CLEC4F: variants seen among roughly 807,000 people sequenced by gnomAD.
CLEC4F encodes the protein C-type (calcium dependent, carbohydrate-recognition domain) lectin, superfamily member 13.
Under a neutral mutation model 53.4 loss-of-function variants are expected in CLEC4F, and 45 were observed. The observed-to-expected ratio is 0.84, with a 90% CI of 0.66 to 1.08. The LOEUF (loss-of-function observed/expected upper bound fraction) is 1.08. Ranked by LOEUF, CLEC4F falls within the 50% of genes least tolerant of loss-of-function variation. The pLI, the probability that CLEC4F is intolerant of heterozygous loss-of-function variation, is 0.00. For synonymous variants in CLEC4F, 245 were observed against 257.5 expected (o/e 0.95, Z 0.46); for missense variants, 753 against 698.2 (o/e 1.08, Z -0.88).
chr2:70,819,969 C>A, intron 1 of CLEC4F, 78 bp from the exon 2 acceptor site: 1 of 923,224 alleles, frequency 1.1e-6, no homozygotes. Flanking sequence ...TGAGACACAG[C>A]CTCTCTGATT....
chr2:70,820,724 C>A (rs561213543), upstream of CLEC4F: 141 of 530,966 alleles, frequency 2.7e-4, 1 homozygote, highest in Admixed American at 1.5e-3. Context: ...TCCCAGATAC[C>A]CATCTGCCCT....
chr2:70,816,449 T>C lies in CLEC4F; in HGVS notation c.932A>G (p.Asp311Gly). 1 of 1,614,200 alleles carries C rather than the reference T, an allele frequency of 6.2e-7. No homozygotes were observed. The highest frequency in any genetic ancestry group is 8.5e-7 in the Non-Finnish European group (1 of 1,180,026). ...QTQAFIKSSF[D>G]NTSAEIQFLR... Reference sequence around the variant, plus strand: ...GAACTGGATCTCAGCACTAGTGTTGTCAAAACTGCTTTTTATAAAGGCCTG... The same window carrying C: ...GAACTGGATCTCAGCACTAGTGTTGCCAAAACTGCTTTTTATAAAGGCCTG... The change falls in exon 4 of 7, where the codon GAC (aspartate) becomes GGC (glycine). Residue 311 changes from aspartate to glycine, a missense_variant. By Grantham distance (94) the Asp-to-Gly change is moderately conservative. Coordinates refer to ENST00000272367, the MANE Select transcript of CLEC4F (RefSeq NM_173535.3).
chr2:70,823,172 G>A (rs1677270294), upstream of CLEC4F, among the ~76,000 whole-genome samples: 3 of 152,164 alleles, frequency 2.0e-5, no homozygotes, highest in South Asian at 6.2e-4. Flanking sequence ...GGCCCAATGT[G>A]TAGAGTGCAG....
Position 70,812,481 on chromosome 2 carries a change from G to T in CLEC4F, c.1505C>A (p.Ala502Asp). 6.2e-7 allele frequency: 1 copy of T among 1,614,118 alleles called. No individual in the cohort carries two copies. Among genetic ancestry groups the T allele is most frequent in the Non-Finnish European group, 8.5e-7 (1 of 1,180,026 alleles). ...CTTGGAGGCCACAGATGCCAGATGG[G>T]CTCCCTGGGACACGCAGAACTGCTC... ...EAEQFCVSQG[A>D]HLASVASKEE... The change falls in exon 5 of 7, where the codon GCC becomes GAC. Residue 502 changes from alanine to aspartate, a missense_variant. Transcript: ENST00000272367.
rs1488795000 is a variant in CLEC4F at position 70,815,975 on chromosome 2, A to G, written c.1387+19T>C. ...AGAGACTGTGCCCTCCCCAAACGCG[A>G]CTCCCCTCTCCCACTTACTTTGGGT... On this transcript the variant is annotated intron_variant, in intron 4 of 6. Coordinates refer to ENST00000272367, the MANE Select transcript of CLEC4F (RefSeq NM_173535.3). 2 of 1,601,978 alleles carry G rather than the reference A, an allele frequency of 1.2e-6. No homozygotes were observed. The highest frequency in any genetic ancestry group is 4.5e-5 in the East Asian group (2 of 44,696).
chr2:70,823,200 T>C (rs925125731), upstream of CLEC4F, among the ~76,000 whole-genome samples: 4 of 152,122 alleles, frequency 2.6e-5, no homozygotes, highest in Non-Finnish European at 4.4e-5. Flanking sequence ...ATTTGCTGCC[T>C]TTTACCTCCT....
chr2:70,812,721 G>T, intron 4 of CLEC4F, 123 bp from the exon 5 acceptor site: 1 of 989,596 alleles, frequency 1.0e-6, no homozygotes, highest in Non-Finnish European at 1.5e-6. Context: ...TTCTTGATGT[G>T]CAGTGCTCCA....
intron 4 of CLEC4F, among the ~76,000 whole-genome samples, chr2:70,812,826 C>T (rs1244754028): frequency 6.6e-6 from 1 of 152,194 alleles, no homozygotes; most frequent in Non-Finnish European, 1.5e-5. Flanking sequence ...CTGGGAGGCT[C>T]AGGCAGCTCT....
At chr2:70,819,277 G>A (rs1396821050) in intron 3 of CLEC4F, 78 bp downstream of exon 3, 3 of 1,101,690 alleles carry the variant, frequency 2.7e-6, no homozygotes, top group Non-Finnish European at 4.2e-6. Flanking sequence ...AGGGTACCAG[G>A]AGAGAAGCTC....
intron 3 of CLEC4F, among the ~76,000 whole-genome samples, chr2:70,817,997 A>G (rs782004750): frequency 2.0e-5 from 3 of 152,190 alleles, no homozygotes; most frequent in Non-Finnish European, 4.4e-5. Context: ...TGTTCACCTC[A>G]TGAACTAGGA....
rs142013309 is a variant in CLEC4F at position 70,812,506 on chromosome 2, C to T, written c.1480G>A (p.Glu494Lys). Residue 494 changes from glutamate (E) to lysine (K), a missense_variant, in exon 5 of 7, where the codon GAG becomes AAG. Glu to Lys is a moderately conservative substitution (Grantham distance 56). Coordinates refer to ENST00000272367, the MANE Select transcript of CLEC4F (RefSeq NM_173535.3). The stretch of plus-strand genomic sequence containing the variant: ...GCTCCCTGGGACACGCAGAACTGCT[C>T]AGCCTCATGCCAAGACTTCTTGACA... ...SSVKKSWHEA[E>K]QFCVSQGAHL... 4.4e-4 allele frequency: 716 copies of T among 1,614,182 alleles called. 5 individuals are homozygous for T. In the African/African-American group the frequency reaches 8.1e-3, roughly 18 times the overall value.
chr2:70,811,909 A>C (rs1326185965), intron 5 of CLEC4F, among the ~76,000 whole-genome samples: 10 of 151,498 alleles, frequency 6.6e-5, no homozygotes, highest in Non-Finnish European at 4.4e-5. Flanking sequence ...CCATTTCTAC[A>C]AAAAAAATAC....
rs1553396624 is a variant in CLEC4F, at chr2:70,817,114, T to A, written c.269-2A>T. 6.2e-7 allele frequency: 1 copy of A among 1,603,268 alleles called. No individual in the cohort carries two copies. The highest frequency in any genetic ancestry group is 1.1e-5 in the South Asian group (1 of 90,640). On this transcript the variant is annotated splice_acceptor_variant, in intron 3 of 6. Transcript: ENST00000272367. LOFTEE classifies it high-confidence loss of function. ...CCTCCCTGCCAAAGTGGTGATGATC[T>A]GGAGGGAGGAAGTGAAGAAGGCAGC...
Position 70,816,610 on chromosome 2 carries a change from C to G in CLEC4F, c.771G>C (p.Leu257Phe), listed in dbSNP as rs1676928731. The change falls in exon 4 of 7, where the codon TTG becomes TTC. Residue 257 changes from leucine (L) to phenylalanine (F), a missense_variant. Leu to Phe is a conservative substitution (Grantham distance 22, BLOSUM62 0). Coordinates refer to ENST00000272367, the MANE Select transcript of CLEC4F (RefSeq NM_173535.3). ...CATTGACACTATCTAGATGGCCTCTCAAAACATAGATCTCAGCATTAGCGT... is the reference window on the plus strand; with the variant it reads ...CATTGACACTATCTAGATGGCCTCTGAAAACATAGATCTCAGCATTAGCGT... ...LKNANAEIYV[L>F]RGHLDSVNDL... The G allele has an allele frequency of 6.2e-7, 1 of 1,613,942 alleles. No homozygotes were observed. Among genetic ancestry groups the G allele is most frequent in the Admixed American group, 1.7e-5 (1 of 59,996 alleles).
chr2:70,810,417 G>A (rs1480102558), intron 5 of CLEC4F, among the ~76,000 whole-genome samples: 3 of 151,844 alleles, frequency 2.0e-5, no homozygotes, highest in Admixed American at 6.5e-5. Flanking sequence ...TCGGGAGTTC[G>A]AGACCAGCTT....
At position 70,816,354 on chromosome 2, in the gene CLEC4F, C is replaced by T. The variant is rs1237508016; in HGVS notation, c.1027G>A (p.Ala343Thr). The T allele has an allele frequency of 6.2e-7, 1 of 1,613,946 alleles. No homozygotes were observed. Among genetic ancestry groups the T allele is most frequent in the Non-Finnish European group, 8.5e-7 (1 of 1,180,006 alleles). Residue 343 changes from alanine (A) to threonine (T), a missense_variant, in exon 4 of 7, where the codon GCC becomes ACC. Coordinates refer to ENST00000272367, the MANE Select transcript of CLEC4F (RefSeq NM_173535.3). The stretch of plus-strand genomic sequence containing the variant: ...CGGCCATTTGCTTTTTGGGTCTGGG[C>T]TGTGACCATTTTCAAATCCCTTTTT... ...VLKRDLKMVT[A>T]QTQKANGRLD...
chr2:70,822,455 C>T (rs1677250830), upstream of CLEC4F, among the ~76,000 whole-genome samples: 1 of 152,160 alleles, frequency 6.6e-6, no homozygotes, highest in African/African-American at 2.4e-5. Context: ...TCAGGGGTTC[C>T]TGCTGCTGGG....
chr2:70,818,693 A>G (rs1553397035), intron 3 of CLEC4F, among the ~76,000 whole-genome samples: 12 of 152,032 alleles, frequency 7.9e-5, no homozygotes, highest in Non-Finnish European at 1.6e-4. Context: ...CCTGGGTGAC[A>G]GAGCGAGACT....
chr2:70,823,246 G>T (rs1440817465), upstream of CLEC4F, among the ~76,000 whole-genome samples: 1 of 152,318 alleles, frequency 6.6e-6, no homozygotes, highest in Non-Finnish European at 1.5e-5. Flanking sequence ...GGAGGGCACA[G>T]CAGGAATGAA....
Sources: gnomAD v4.1 joint callset for allele counts (sites outside exome capture counted in the v4.1 genomes callset) on GRCh38, gnomAD v4.1.1 for gene constraint, MANE v1.5 for transcripts, NCBI Gene and HGNC (gene_info 2026-07-23, HGNC 2026-07-21) for gene names.